The following ADAMTS9 variants were observed in gnomAD, a reference collection of about 807,000 sequenced individuals.
The protein encoded by ADAMTS9 is A disintegrin and metalloproteinase with thrombospondin motifs 9.
A neutral mutation model predicts 257.1 loss-of-function variants in ADAMTS9; 107 were observed. The observed-to-expected ratio is 0.42, with a 90% CI of 0.36 to 0.49. ADAMTS9 has a LOEUF of 0.49. Ranked by LOEUF, ADAMTS9 falls within the 20% of genes least tolerant of loss-of-function variation. The pLI, the probability that ADAMTS9 is intolerant of heterozygous loss-of-function variation, is 0.03. For synonymous variants in ADAMTS9, 982 were observed against 880.9 expected (o/e 1.11, Z -2.03); for missense variants, 2,353 against 2,469.1 (o/e 0.95, Z 1.00).
At chr3:64,608,258 C>CAAAAAAAAAAAAAAAAAAAAAAAAACA (rs57247914) in intron 22 of ADAMTS9, among the ~76,000 whole-genome samples, 1 of 53,310 alleles carries the variant, frequency 1.9e-5, no homozygotes, top group Non-Finnish European at 3.9e-5. Flanking sequence ...AAACTAAAAC[C>CAAAAAAAAAAAAAAAAAAAAAAAAACA]AAAAAAAAAA....
intron 12 of ADAMTS9, 59 bp downstream of exon 12, chr3:64,641,789 T>G (rs1250554482): frequency 6.3e-7 from 1 of 1,597,350 alleles, no homozygotes. Flanking sequence ...AATTATTCCC[T>G]TTAGGAATTT....
intron 33 of ADAMTS9, 71 bp from the exon 34 acceptor site, chr3:64,541,691 T>A: frequency 1.9e-6 from 3 of 1,556,746 alleles, no homozygotes; most frequent in Non-Finnish European, 2.7e-6. Context: ...ATAGAATGAA[T>A]GACATTGTTC....
At chr3:64,554,189 T>G (rs1029394305) in intron 30 of ADAMTS9, among the ~76,000 whole-genome samples, 1 of 152,188 alleles carries the variant, frequency 6.6e-6, no homozygotes. Context: ...GAATCCTAAA[T>G]ACTTTATGCT....
intron 28 of ADAMTS9, among the ~76,000 whole-genome samples, chr3:64,579,185 C>A (rs1443736552): frequency 6.6e-6 from 1 of 152,136 alleles, no homozygotes; most frequent in Non-Finnish European, 1.5e-5. Flanking sequence ...TCATTCACAT[C>A]CTCTGTTCTA....
intron 28 of ADAMTS9, among the ~76,000 whole-genome samples, chr3:64,586,285 T>C (rs1576082337): frequency 6.7e-6 from 1 of 148,658 alleles, no homozygotes; most frequent in East Asian, 2.0e-4. Context: ...GTTGTTATAA[T>C]AAAAAAAAAA....
At position 64,651,182 on chromosome 3, in the gene ADAMTS9, T is replaced by C. The variant is rs369004324; in HGVS notation, c.1317-19A>G. 2 of 1,550,660 alleles carry C rather than the reference T, an allele frequency of 1.3e-6. No individual in the cohort carries two copies. The highest frequency in any genetic ancestry group is 8.7e-7 in the Non-Finnish European group (1 of 1,155,792). ...GTTAAACCTAAAGCCAATGAGACAA[T>C]GATGAGAATGTCAATAAACACCAAG... is the stretch of plus-strand genomic sequence containing the variant. On this transcript the variant is annotated intron_variant, in intron 8 of 39. Coordinates refer to ENST00000498707, the MANE Select transcript of ADAMTS9 (RefSeq NM_182920.2).
chr3:64,663,483 AT>A (rs1701275412), intron 3 of ADAMTS9, among the ~76,000 whole-genome samples: 1 of 149,010 alleles, frequency 6.7e-6, no homozygotes, highest in Non-Finnish European at 1.5e-5. Context: ...TATCAGAATC[AT>A]CAGAGGGGAA....
intron 38 of ADAMTS9, among the ~76,000 whole-genome samples, chr3:64,530,832 C>CT (rs2106888498): frequency 6.6e-6 from 1 of 152,166 alleles, no homozygotes; most frequent in Non-Finnish European, 1.5e-5. Flanking sequence ...TGCAGTGGCA[C>CT]TAGACAGGCA....
chr3:64,602,289 G>A (rs1012322957), intron 25 of ADAMTS9, 76 bp from the exon 26 acceptor site: 2 of 1,537,102 alleles, frequency 1.3e-6, no homozygotes, highest in Admixed American at 3.5e-5. Flanking sequence ...GTGCATTTCT[G>A]TAAATGGCCC....
chr3:64,636,008 A>G (rs1227866836), intron 12 of ADAMTS9, among the ~76,000 whole-genome samples: 1 of 152,154 alleles, frequency 6.6e-6, no homozygotes, highest in African/African-American at 2.4e-5. Flanking sequence ...CCAGCTGACT[A>G]TGGTGGATCA....
Position 64,686,601 on chromosome 3 carries a change from C to A in ADAMTS9, c.483G>T (p.Glu161Asp). Residue 161 changes from glutamate to aspartate, a missense_variant, in exon 2 of 40, where the codon GAG (glutamate) becomes GAT (aspartate). Coordinates refer to ENST00000498707, the MANE Select transcript of ADAMTS9 (RefSeq NM_182920.2). The surrounding 1 kb of genome is among the most constrained non-coding windows in gnomAD (Gnocchi z 4.6). Reference sequence around the variant, plus strand: ...AGCAGAGGCTGATGACGGCCGTGTGCTCGGAGTTGGTATTGACATAGCCTT... The same window carrying A: ...AGCAGAGGCTGATGACGGCCGTGTGATCGGAGTTGGTATTGACATAGCCTT... ...FYKGYVNTNSEHTAVISLCSG... is the reference protein window; with the variant it reads ...FYKGYVNTNSDHTAVISLCSG... 1 of 1,613,096 alleles carries A rather than the reference C, an allele frequency of 6.2e-7. No individual in the cohort carries two copies.
intron 19 of ADAMTS9, among the ~76,000 whole-genome samples, chr3:64,616,587 A>G (rs1474728493): frequency 6.6e-6 from 1 of 152,224 alleles, no homozygotes; most frequent in African/African-American, 2.4e-5. Flanking sequence ...ATTTGAATCT[A>G]TAAATCTCTG....
chr3:64,522,458 T>A, intron 38 of ADAMTS9, 198 bp from the exon 39 acceptor site: 1 of 456,364 alleles, frequency 2.2e-6, no homozygotes, highest in East Asian at 3.4e-5. Context: ...ACCACCTGTT[T>A]CTGTATGGCT....
At chr3:64,590,693 A>G (rs889929967) in intron 28 of ADAMTS9, among the ~76,000 whole-genome samples, 6 of 152,212 alleles carry the variant, frequency 3.9e-5, no homozygotes, top group Admixed American at 2.0e-4. Context: ...ACAAAAATTC[A>G]TAAGTTAGCC....
chr3:64,558,237 C>T (rs187867409), intron 30 of ADAMTS9, among the ~76,000 whole-genome samples: 17 of 152,112 alleles, frequency 1.1e-4, no homozygotes, highest in Admixed American at 2.6e-4. Flanking sequence ...TGCAAGCTTC[C>T]GGGCTTCAAA....
chr3:64,568,074 C>T (rs536522278), intron 29 of ADAMTS9, among the ~76,000 whole-genome samples: 7 of 152,246 alleles, frequency 4.6e-5, no homozygotes, highest in Middle Eastern at 3.4e-3. Context: ...AATGCAATGC[C>T]ATCAGTGAAG....
chr3:64,602,064 G>C lies in ADAMTS9; in HGVS notation c.3897C>G (p.Thr1299=), dbSNP rs772816025. 6.2e-7 allele frequency: 1 copy of C among 1,613,968 alleles called. No homozygotes were observed. The highest frequency in any genetic ancestry group is 1.1e-5 in the South Asian group (1 of 91,052). ...DCSMSPCPQR[T]PDSGLAQHPF... Reference sequence around the variant, plus strand: ...GGTGCTGAGCTAAGCCACTGTCTGGGGTCCTTTGAGGGCATGGTGACATGG... The same window carrying C: ...GGTGCTGAGCTAAGCCACTGTCTGGCGTCCTTTGAGGGCATGGTGACATGG... The change falls in exon 26 of 40, where the codon ACC becomes ACG. Residue 1299 remains threonine (T), a synonymous_variant. Coordinates refer to ENST00000498707, the MANE Select transcript of ADAMTS9 (RefSeq NM_182920.2).
chr3:64,599,120 C>T (rs551054696), intron 26 of ADAMTS9, among the ~76,000 whole-genome samples: 15 of 152,180 alleles, frequency 9.9e-5, no homozygotes, highest in South Asian at 2.1e-4. Context: ...TCAGCTTGGG[C>T]CAAGCAGTTG....
intron 16 of ADAMTS9, among the ~76,000 whole-genome samples, chr3:64,624,010 C>G (rs1700168724): frequency 1.3e-5 from 2 of 148,860 alleles, no homozygotes; most frequent in Admixed American, 1.4e-4. Context: ...GTTATGGAAT[C>G]TAAAATAGTC....
Sources: allele counts gnomAD v4.1 joint callset (sites outside exome capture counted in the v4.1 genomes callset), GRCh38; gene constraint gnomAD v4.1.1; non-coding constraint Gnocchi (gnomAD v3.1); transcripts MANE v1.5; gene names NCBI Gene and HGNC (gene_info 2026-07-23, HGNC 2026-07-21).